Variants in ZBTB7C observed in about 807,000 individuals in gnomAD.
ZBTB7C encodes the protein zinc finger and BTB domain-containing protein 7C.
ZBTB7C carries 8 observed loss-of-function variants against 25.7 expected under a neutral mutation model. The ratio of observed to expected loss-of-function variants is 0.31; its 90% CI spans 0.18 to 0.56. ZBTB7C has a LOEUF of 0.56. ZBTB7C is among the 20% of genes least tolerant of loss of function. ZBTB7C has a pLI of 0.91. For synonymous variants in ZBTB7C, 394 were observed against 369.0 expected, an observed-to-expected ratio of 1.07 and a Z score of -0.78; for missense variants, 824 against 855.2, an observed-to-expected ratio of 0.96 and a Z score of 0.46.
chr18:48,237,079 A>G (rs2145375764), intron 2 of ZBTB7C, among the ~76,000 whole-genome samples: 1 of 152,258 alleles, frequency 6.6e-6, no homozygotes, highest in East Asian at 1.9e-4. Flanking sequence ...ATTGCTGGAA[A>G]TGCTGTCCGG....
upstream of ZBTB7C, chr18:48,409,513 C>T (rs1372185821): frequency 6.8e-6 from 1 of 147,986 alleles, no homozygotes; most frequent in East Asian, 2.0e-4. Context: ...CCCGCGCCGC[C>T]GGCTCGGGGG....
chr18:48,216,988 G>A (rs562555480), intron 2 of ZBTB7C, among the ~76,000 whole-genome samples: 5 of 152,242 alleles, frequency 3.3e-5, no homozygotes, highest in Non-Finnish European at 5.9e-5. Context: ...ACCAGCATGC[G>A]CAGGAAGGCC....
intron 2 of ZBTB7C, among the ~76,000 whole-genome samples, chr18:48,237,161 T>C (rs1181092704): frequency 6.6e-6 from 1 of 152,336 alleles, no homozygotes; most frequent in African/African-American, 2.4e-5. Context: ...ATGTCTTCCA[T>C]TGGCCAAACT....
intron 3 of ZBTB7C, among the ~76,000 whole-genome samples, chr18:48,072,175 T>C (rs2037566649): frequency 6.6e-6 from 1 of 152,242 alleles, no homozygotes; most frequent in African/African-American, 2.4e-5. Flanking sequence ...GGAAAGCATT[T>C]GACCACTGGA....
intron 3 of ZBTB7C, among the ~76,000 whole-genome samples, chr18:48,138,768 CA>C (rs374974196): frequency 1.1e-4 from 17 of 152,302 alleles, no homozygotes; most frequent in African/African-American, 4.1e-4. Context: ...CCTTTGTCCA[CA>C]AAGGCACTAG....
chr18:48,115,440 C>T lies in ZBTB7C; in HGVS notation c.-17+70494G>A, dbSNP rs375488895. Among the ~76,000 whole-genome samples the T allele has an allele frequency of 4.6e-5, 7 of 151,916 alleles. No homozygotes were observed. In the South Asian group the frequency reaches 1.5e-3, roughly 32 times the overall value. Reference sequence around the variant, plus strand: ...ATTTTTTTTGTATTTTTAGTAGAGACGGGGTTTCACCGTGGTCTCGATCTC... The same window carrying T: ...ATTTTTTTTGTATTTTTAGTAGAGATGGGGTTTCACCGTGGTCTCGATCTC... On this transcript the variant is annotated intron_variant, in intron 3 of 4. Transcript: ENST00000590800.
At chr18:48,118,521 T>C (rs1257875898) in intron 3 of ZBTB7C, among the ~76,000 whole-genome samples, 1 of 152,228 alleles carries the variant, frequency 6.6e-6, no homozygotes, top group African/African-American at 2.4e-5. Context: ...AAAAAGTTCA[T>C]TAAGAAACCT....
chr18:48,083,163 T>C (rs188491296), intron 3 of ZBTB7C, among the ~76,000 whole-genome samples: 2 of 152,290 alleles, frequency 1.3e-5, no homozygotes, highest in African/African-American at 4.8e-5. Context: ...TTATTTTCTA[T>C]TCTATTCTTC....
rs769797708 is a variant in ZBTB7C at position 48,040,627 on chromosome 18, C to T, written c.481G>A (p.Glu161Lys). The T allele has an allele frequency of 2.3e-5, 37 of 1,611,194 alleles. No individual in the cohort carries two copies. The highest frequency in any genetic ancestry group is 3.1e-5 in the Non-Finnish European group (37 of 1,179,408). ...EEDEEEEEEE[E>K]EDDDDDTEDF... ...TCCGTGTCATCATCGTCATCCTCCT[C>T]CTCTTCCTCCTCCTCCTCTTCGTCC... Residue 161 changes from glutamate (E) to lysine (K), a missense_variant, in exon 4 of 5, where the codon GAG becomes AAG. By Grantham distance (56) the Glu-to-Lys change is moderately conservative (BLOSUM62 1). Transcript: ENST00000590800.
At chr18:48,227,044 AG>A (rs2145327290) in intron 2 of ZBTB7C, among the ~76,000 whole-genome samples, 1 of 150,894 alleles carries the variant, frequency 6.6e-6, no homozygotes, top group African/African-American at 2.4e-5. Context: ...AAAAAGAAAA[AG>A]AAAAAGAAAA....
chr18:48,323,091 C>T (rs1342068792), intron 2 of ZBTB7C, among the ~76,000 whole-genome samples: 1 of 152,194 alleles, frequency 6.6e-6, no homozygotes, highest in Admixed American at 6.5e-5. Flanking sequence ...AAATTGGGTT[C>T]AGTGTATTCT....
At chr18:48,269,663 T>C (rs991843264) in intron 2 of ZBTB7C, among the ~76,000 whole-genome samples, 3 of 152,212 alleles carry the variant, frequency 2.0e-5, no homozygotes, top group African/African-American at 7.2e-5. Context: ...TGTTAACCTC[T>C]CAAATTACAA....
At chr18:48,263,550 C>T (rs190753262) in intron 2 of ZBTB7C, among the ~76,000 whole-genome samples, 5 of 152,182 alleles carry the variant, frequency 3.3e-5, no homozygotes, top group East Asian at 1.9e-4. Context: ...TCTGGTGTCC[C>T]GAAAATGACC....
At chr18:48,224,532 C>A (rs773251522) in intron 2 of ZBTB7C, among the ~76,000 whole-genome samples, 25 of 152,192 alleles carry the variant, frequency 1.6e-4, no homozygotes, top group Admixed American at 9.2e-4. Flanking sequence ...CACACACCAT[C>A]TCAGAGCCCA....
intron 2 of ZBTB7C, among the ~76,000 whole-genome samples, chr18:48,260,996 A>G (rs1568336871): frequency 6.6e-6 from 1 of 152,250 alleles, no homozygotes; most frequent in Non-Finnish European, 1.5e-5. Context: ...AAGGGCAGCA[A>G]GGAAAACACT....
intron 3 of ZBTB7C, chr18:48,150,581 CA>C (rs1362784084): frequency 0.096 from 8,337 of 86,710 alleles, 277 homozygotes; most frequent in African/African-American, 0.17. Context: ...GACTCCATCT[CA>C]AAAAAAAAAA....
At chr18:48,079,798 C>A (rs2037912326) in intron 3 of ZBTB7C, among the ~76,000 whole-genome samples, 1 of 152,258 alleles carries the variant, frequency 6.6e-6, no homozygotes, top group Non-Finnish European at 1.5e-5. Context: ...CCTCTAGGAC[C>A]TGCTTCCTGG....
intron 2 of ZBTB7C, among the ~76,000 whole-genome samples, chr18:48,266,073 CA>C (rs1457591569): frequency 2.6e-5 from 4 of 152,104 alleles, no homozygotes; most frequent in Admixed American, 6.6e-5. Context: ...GCAAATGGTT[CA>C]GGGGTGAGGG....
chr18:48,027,418 A>AT lies in ZBTB7C; in HGVS notation c.*1841dup, dbSNP rs1428834597. ...TGGTTCAGCCCCAATCACTTGGCTG[A>AT]TGGGGGGGAACACGGGGGCACGTTG... On this transcript the variant is annotated 3_prime_UTR_variant, in exon 5 of 5. Transcript: ENST00000590800. The AT allele has an allele frequency of 7.2e-6, 1 of 139,430 alleles. No individual in the cohort carries two copies. The highest frequency in any genetic ancestry group is 1.5e-5 in the Non-Finnish European group (1 of 65,230). 8.6% of individuals were successfully genotyped at this position (139,430 alleles called of 1,614,324 possible).
Sources: gnomAD v4.1 joint callset for allele counts (sites outside exome capture counted in the v4.1 genomes callset) on GRCh38, gnomAD v4.1.1 for gene constraint, MANE v1.5 for transcripts, NCBI Gene and HGNC (gene_info 2026-07-23, HGNC 2026-07-21) for gene names.